The following ERLEC1 variants were observed in gnomAD, a reference collection of about 807,000 sequenced individuals.
The protein encoded by ERLEC1 is endoplasmic reticulum lectin 1, also known as ER lectin.
A neutral mutation model predicts 68.0 loss-of-function variants in ERLEC1; 47 were observed. The observed-to-expected ratio is 0.69, with a 90% CI of 0.55 to 0.88. ERLEC1 has a LOEUF of 0.88. ERLEC1 is among the 40% of genes least tolerant of loss of function. The pLI, the probability that ERLEC1 is intolerant of heterozygous loss-of-function variation, is 0.00. For missense variants in ERLEC1, 567 were observed against 583.8 expected (o/e 0.97, Z 0.30); for synonymous variants, 225 against 203.2 (o/e 1.11, Z -0.91).
At chr2:53,798,512 A>T (rs1445495055) in intron 5 of ERLEC1, among the ~76,000 whole-genome samples, 1 of 151,780 alleles carries the variant, frequency 6.6e-6, no homozygotes, top group African/African-American at 2.4e-5. Flanking sequence ...CCCCTACCCA[A>T]ACCTCCCAAA....
At position 53,790,999 on chromosome 2, in the gene ERLEC1, A is replaced by G. The variant is rs117775250; in HGVS notation, c.163-3346A>G. The stretch of plus-strand genomic sequence containing the variant: ...TTCTGTCTACTTCTGTTGTTGATGT[A>G]GAATATATTTTACTCAGATTTTCCC... On this transcript the variant is annotated intron_variant, in intron 1 of 13. Transcript: ENST00000185150. 1.9e-4 allele frequency among the ~76,000 whole-genome samples: 29 copies of G among 152,338 alleles called. No individual in the cohort carries two copies. The East Asian group carries it at 5.6e-3, about 29-fold the overall frequency.
At chr2:53,787,495 G>A in intron 1 of ERLEC1, 123 bp downstream of exon 1, 1 of 1,167,130 alleles carries the variant, frequency 8.6e-7, no homozygotes, top group East Asian at 2.5e-5. Context: ...CCTTCCCCAA[G>A]CCAAAGCTGC....
chr2:53,801,677 T>C lies in ERLEC1; in HGVS notation c.750-36T>C, dbSNP rs759609747. 8 of 1,613,438 alleles carry C rather than the reference T, an allele frequency of 5.0e-6. No individual in the cohort carries two copies. In the South Asian group the frequency reaches 6.6e-5, roughly 13 times the overall value. On this transcript the variant is annotated intron_variant, in intron 7 of 13. Coordinates refer to ENST00000185150, the MANE Select transcript of ERLEC1 (RefSeq NM_015701.5). ...AATGCACACATGCTTTAAAGTGTTC[T>C]GTGCATAGCTTTAATGCTTTGTTCC...
At chr2:53,809,740 G>A (rs1332126622) in intron 10 of ERLEC1, among the ~76,000 whole-genome samples, 1 of 152,034 alleles carries the variant, frequency 6.6e-6, no homozygotes, top group Non-Finnish European at 1.5e-5. Context: ...GTAACAGAGT[G>A]AGACTCCATC....
intron 8 of ERLEC1, among the ~76,000 whole-genome samples, chr2:53,803,878 C>G (rs1301293676): frequency 6.6e-6 from 1 of 152,226 alleles, no homozygotes; most frequent in African/African-American, 2.4e-5. Context: ...CCTATAATTC[C>G]AGCACTTTGG....
Position 53,812,930 on chromosome 2 carries a change from A to G in ERLEC1, c.1102-19A>G, listed in dbSNP as rs374752817. ...ATGATATCAAGCACGCATTATCACAAATTTTTTTCCCATATTAGGACAAGG... is the reference window on the plus strand; with the variant it reads ...ATGATATCAAGCACGCATTATCACAGATTTTTTTCCCATATTAGGACAAGG... On this transcript the variant is annotated intron_variant, in intron 10 of 13. Transcript: ENST00000185150. 1.5e-5 allele frequency: 24 copies of G among 1,597,826 alleles called. No homozygotes were observed. Among genetic ancestry groups the G allele is most frequent in the African/African-American group, 6.8e-5 (5 of 73,820 alleles).
intron 10 of ERLEC1, among the ~76,000 whole-genome samples, chr2:53,811,982 A>G (rs1676613404): frequency 6.6e-6 from 1 of 152,122 alleles, no homozygotes; most frequent in Non-Finnish European, 1.5e-5. Flanking sequence ...CAATGGCGCA[A>G]TCTTGGCTCA....
At chr2:53,803,186 G>A (rs768585066) in intron 8 of ERLEC1, among the ~76,000 whole-genome samples, 1 of 152,126 alleles carries the variant, frequency 6.6e-6, no homozygotes, top group Non-Finnish European at 1.5e-5. Context: ...TGGCTGCAAG[G>A]CTTGTTTCTT....
rs1365450172 is a variant in ERLEC1, at chr2:53,815,007, T to TG, written c.1380+72_1380+73insG. 6 of 1,017,634 alleles carry TG rather than the reference T, an allele frequency of 5.9e-6. No individual in the cohort carries two copies. In the East Asian group the frequency reaches 8.1e-5, roughly 14 times the overall value. 63.0% of individuals were successfully genotyped at this position (1,017,634 alleles called of 1,614,324 possible). ...TTAATTTTTTTTTCTTTTTTTTTTT[T>TG]TTTTTTTTTGTTTTTTTGAGACGGA... On this transcript the variant is annotated intron_variant, in intron 13 of 13. Coordinates refer to ENST00000185150, the MANE Select transcript of ERLEC1 (RefSeq NM_015701.5).
chr2:53,787,725 T>G (rs1675136146), intron 1 of ERLEC1: 1 of 211,966 alleles, frequency 4.7e-6, no homozygotes, highest in African/African-American at 2.3e-5. Context: ...TGGCTCTTAC[T>G]TCACCAGCAG....
chr2:53,817,114 G>T (rs1676937067), intron 13 of ERLEC1, among the ~76,000 whole-genome samples: 1 of 148,574 alleles, frequency 6.7e-6, no homozygotes, highest in Admixed American at 6.8e-5. Context: ...GGTTCTTTTT[G>T]TTGTTGTTGT....
rs543292201 is a variant in ERLEC1, at chr2:53,817,042, G to C, written c.1381-856G>C. Reference sequence around the variant, plus strand: ...CTTCAAACTTGTTAATTTCTCTGCTGTGCCCAGTCCATTGAATGAATTTAT... The same window carrying C: ...CTTCAAACTTGTTAATTTCTCTGCTCTGCCCAGTCCATTGAATGAATTTAT... On this transcript the variant is annotated intron_variant, in intron 13 of 13. Coordinates refer to ENST00000185150, the MANE Select transcript of ERLEC1 (RefSeq NM_015701.5). 1.3e-4 allele frequency among the ~76,000 whole-genome samples: 20 copies of C among 152,016 alleles called. 1 individual carries two copies. The East Asian group carries it at 3.7e-3, about 28-fold the overall frequency.
intron 2 of ERLEC1, among the ~76,000 whole-genome samples, chr2:53,795,254 A>C (rs1306091682): frequency 6.6e-6 from 1 of 152,198 alleles, no homozygotes; most frequent in African/African-American, 2.4e-5. Flanking sequence ...AGGAGCCAGG[A>C]GGCTGAGGTA....
intron 8 of ERLEC1, among the ~76,000 whole-genome samples, chr2:53,802,916 T>C (rs1370195804): frequency 6.6e-6 from 1 of 152,132 alleles, no homozygotes; most frequent in Non-Finnish European, 1.5e-5. Flanking sequence ...CTTCAGTATA[T>C]TGTTTTCTTC....
chr2:53,804,110 G>A (rs544355986), intron 8 of ERLEC1, among the ~76,000 whole-genome samples: 5 of 152,204 alleles, frequency 3.3e-5, no homozygotes, highest in South Asian at 2.1e-4. Context: ...CAGCCTGGGC[G>A]ACAAAGCGAG....
Position 53,787,165 on chromosome 2 carries a change from G to T in ERLEC1, c.-46G>T. Reference sequence around the variant, plus strand: ...TCCTCCTCCTCCTCCTCTCCTCCTGGAGCAGAGGAGGTTGTGGCGGTGGCT... The same window carrying T: ...TCCTCCTCCTCCTCCTCTCCTCCTGTAGCAGAGGAGGTTGTGGCGGTGGCT... On this transcript the variant is annotated 5_prime_UTR_variant, in exon 1 of 14. Coordinates refer to ENST00000185150, the MANE Select transcript of ERLEC1 (RefSeq NM_015701.5). 3 of 1,556,650 alleles carry T rather than the reference G, an allele frequency of 1.9e-6. No homozygotes were observed. The highest frequency in any genetic ancestry group is 2.6e-6 in the Non-Finnish European group (3 of 1,155,076).
At chr2:53,805,315 C>T (rs1573090422) in intron 8 of ERLEC1, among the ~76,000 whole-genome samples, 1 of 152,124 alleles carries the variant, frequency 6.6e-6, no homozygotes, top group South Asian at 2.1e-4. Flanking sequence ...AGCCACCGCA[C>T]CCAGCTACAG....
Position 53,797,552 on chromosome 2 carries a change from AAC to A in ERLEC1, c.390_391del (p.Ile131SerfsTer5), listed in dbSNP as rs772555109. 5 of 1,612,866 alleles carry A rather than the reference AAC, an allele frequency of 3.1e-6. No individual in the cohort carries two copies. Among genetic ancestry groups the A allele is most frequent in the Non-Finnish European group, 4.2e-6 (5 of 1,179,716 alleles). ...TGGACTTACGAAGTATGTCATGGAA[AAC>A]ACATTCGGCAGTACCATGAAGAGAA... is the stretch of plus-strand genomic sequence containing the variant. On this transcript the variant is annotated frameshift_variant, in exon 4 of 14. Transcript: ENST00000185150. LOFTEE classifies it high-confidence loss of function.
In ERLEC1 at chr2:53,801,627, T is replaced by C. The variant is rs1207064840; in HGVS notation, c.749+7T>C. The C allele has an allele frequency of 1.2e-6, 2 of 1,613,428 alleles. No individual in the cohort carries two copies. The highest frequency in any genetic ancestry group is 8.5e-7 in the Non-Finnish European group (1 of 1,179,542). On this transcript the variant is annotated splice_region_variant and intron_variant, in intron 7 of 13. Transcript: ENST00000185150. ...GCAGTCATCCTAAATATAGGTAGGA[T>C]GTGCATTTAATATTTTAAACATAAA...
Sources: gnomAD v4.1 joint callset for allele counts (sites outside exome capture counted in the v4.1 genomes callset) on GRCh38, gnomAD v4.1.1 for gene constraint, MANE v1.5 for transcripts, NCBI Gene and HGNC (gene_info 2026-07-23, HGNC 2026-07-21) for gene names.